NWD2: variants seen among roughly 807,000 people sequenced by gnomAD.
NWD2 encodes NACHT and WD repeat domain-containing protein 2.
Under a neutral mutation model 132.7 loss-of-function variants are expected in NWD2, and 37 were observed. The observed-to-expected ratio is 0.28, with a 90% CI of 0.21 to 0.37. The LOEUF is 0.37. NWD2 is among the 10% of genes least tolerant of loss of function. The pLI, the probability that NWD2 is intolerant of heterozygous loss-of-function variation, is 1.00. For missense variants in NWD2, 1,592 were observed against 2,122.4 expected, an observed-to-expected ratio of 0.75 and a Z score of 4.91; for synonymous variants, 705 against 803.0, an observed-to-expected ratio of 0.88 and a Z score of 2.06.
At chr4:37,294,112 T>A (rs1286508252) in intron 1 of NWD2, among the ~76,000 whole-genome samples, 1 of 152,074 alleles carries the variant, frequency 6.6e-6, no homozygotes, top group African/African-American at 2.4e-5. Context: ...GATGAGGGAA[T>A]ATAATGGGAG....
At chr4:37,276,052 G>A (rs1441082821) in intron 1 of NWD2, among the ~76,000 whole-genome samples, 4 of 152,138 alleles carry the variant, frequency 2.6e-5, no homozygotes, top group Non-Finnish European at 4.4e-5. Context: ...AGGACTTCAT[G>A]TCTAAAACAC....
intron 3 of NWD2, among the ~76,000 whole-genome samples, chr4:37,422,002 G>A (rs1263776340): frequency 6.6e-6 from 1 of 152,056 alleles, no homozygotes; most frequent in Non-Finnish European, 1.5e-5. Flanking sequence ...TCCAATAAGG[G>A]CACCAGTTCT....
intron 3 of NWD2, among the ~76,000 whole-genome samples, chr4:37,392,549 G>C (rs1720698277): frequency 6.6e-6 from 1 of 152,122 alleles, no homozygotes; most frequent in Admixed American, 6.5e-5. Flanking sequence ...GTCTCCTGGG[G>C]AGCAAAATTC....
chr4:37,245,103 T>C lies in NWD2; in HGVS notation c.36T>C (p.Cys12=), dbSNP rs573984737. Reference sequence around the variant, plus strand: ...CCGGCGCGGGCACCAAGCTGCCCTGTCCCCGAGACTCTGCGCTCCGGCGGG... The same window carrying C: ...CCGGCGCGGGCACCAAGCTGCCCTGCCCCCGAGACTCTGCGCTCCGGCGGG... The part of the protein sequence containing the change: ...WPAGAGTKLP[C]PRDSALRRAA... Residue 12 remains cysteine, a synonymous_variant, in exon 1 of 7, where the codon TGT becomes TGC. Transcript: ENST00000309447. 3.8e-4 allele frequency: 583 copies of C among 1,547,222 alleles called. 1 individual carries two copies. In the African/African-American group the frequency reaches 7.1e-3, roughly 19 times the overall value.
intron 1 of NWD2, among the ~76,000 whole-genome samples, chr4:37,257,241 A>C (rs945077957): frequency 2.6e-5 from 4 of 152,222 alleles, no homozygotes; most frequent in African/African-American, 9.6e-5. Flanking sequence ...AAACCTGCCC[A>C]AGGTGCAGGT....
chr4:37,371,521 A>G (rs1286405123), intron 3 of NWD2, among the ~76,000 whole-genome samples: 1 of 152,224 alleles, frequency 6.6e-6, no homozygotes, highest in Non-Finnish European at 1.5e-5. Context: ...AATTTTTAGC[A>G]GTGATATGAA....
At chr4:37,394,248 A>G (rs991662338) in intron 3 of NWD2, among the ~76,000 whole-genome samples, 2 of 152,066 alleles carry the variant, frequency 1.3e-5, no homozygotes, top group Admixed American at 1.3e-4. Flanking sequence ...TCTTTGCCAT[A>G]TTTTCTTTAT....
intron 2 of NWD2, among the ~76,000 whole-genome samples, chr4:37,336,676 C>T (rs1241325710): frequency 3.3e-5 from 5 of 152,168 alleles, no homozygotes; most frequent in African/African-American, 1.2e-4. Flanking sequence ...CGCCATGGCT[C>T]ACGCCTGTAA....
intron 1 of NWD2, 53 bp from the exon 2 acceptor site, chr4:37,325,883 G>C (rs922634194): frequency 4.2e-5 from 46 of 1,100,046 alleles, no homozygotes; most frequent in Non-Finnish European, 5.2e-5. Context: ...TTTTTTGCCA[G>C]AAACATATGT....
rs1466639548 is a variant in NWD2 at position 37,371,066 on chromosome 4, TTTTTTC to T, written c.357+14596_357+14601del. Among the ~76,000 whole-genome samples the T allele has an allele frequency of 4.3e-3, 411 of 94,538 alleles. 6 individuals are homozygous for T. Among genetic ancestry groups the T allele is most frequent in the African/African-American group, 0.013 (365 of 27,662 alleles). 62.0% of individuals were successfully genotyped at this position (94,538 alleles called of 152,430 possible). ...ATTATTTGCCAAAGAAGTTCAATTT[TTTTTTC>T]TTTTTCTTTTTTTTTTTTTTTTTGA... is the stretch of plus-strand genomic sequence containing the variant. On this transcript the variant is annotated intron_variant, in intron 3 of 6. Coordinates refer to ENST00000309447, the MANE Select transcript of NWD2 (RefSeq NM_001144990.2).
At chr4:37,388,431 AC>A (rs1720612460) in intron 3 of NWD2, among the ~76,000 whole-genome samples, 4 of 151,944 alleles carry the variant, frequency 2.6e-5, no homozygotes. Flanking sequence ...TGATCTGCCC[AC>A]CTCAGCATCC....
At chr4:37,250,453 T>A (rs560626817) in intron 1 of NWD2, among the ~76,000 whole-genome samples, 1 of 152,318 alleles carries the variant, frequency 6.6e-6, no homozygotes, top group East Asian at 1.9e-4. Flanking sequence ...GCAAGTTGCT[T>A]AACTTGTTTT....
chr4:37,294,604 C>A (rs1303477999), intron 1 of NWD2, among the ~76,000 whole-genome samples: 1 of 152,158 alleles, frequency 6.6e-6, no homozygotes, highest in Non-Finnish European at 1.5e-5. Context: ...GTAGATATTC[C>A]AGTGAAATGG....
intron 3 of NWD2, among the ~76,000 whole-genome samples, chr4:37,426,145 CACAT>C (rs1712002654): frequency 6.6e-6 from 1 of 152,196 alleles, no homozygotes; most frequent in African/African-American, 2.4e-5. Flanking sequence ...TAACTACACA[CACAT>C]ACACAAACCA....
intron 1 of NWD2, among the ~76,000 whole-genome samples, chr4:37,323,583 C>T (rs972201184): frequency 6.6e-6 from 1 of 152,164 alleles, no homozygotes; most frequent in Non-Finnish European, 1.5e-5. Flanking sequence ...TGCTTATACA[C>T]TGTCGGTGGA....
intron 1 of NWD2, among the ~76,000 whole-genome samples, chr4:37,247,795 C>T (rs1717275479): frequency 6.6e-6 from 1 of 151,842 alleles, no homozygotes; most frequent in Admixed American, 6.6e-5. Flanking sequence ...CTTTTAGTAG[C>T]AACGGGGTTT....
chr4:37,323,939 A>G (rs1719120056), intron 1 of NWD2, among the ~76,000 whole-genome samples: 1 of 152,166 alleles, frequency 6.6e-6, no homozygotes, highest in African/African-American at 2.4e-5. Flanking sequence ...TAATGCAGGA[A>G]CAGAAAACCA....
intron 1 of NWD2, among the ~76,000 whole-genome samples, chr4:37,301,135 G>A (rs1452894135): frequency 6.6e-6 from 1 of 152,028 alleles, no homozygotes; most frequent in East Asian, 1.9e-4. Flanking sequence ...TCAGCATTAT[G>A]AAGATAATCT....
intron 3 of NWD2, among the ~76,000 whole-genome samples, chr4:37,426,742 C>G (rs1001734134): frequency 6.6e-6 from 1 of 152,242 alleles, no homozygotes; most frequent in Middle Eastern, 3.4e-3. Context: ...AATGTTCTTT[C>G]CATCTGAGAA....
Sources: allele counts gnomAD v4.1 joint callset (sites outside exome capture counted in the v4.1 genomes callset), GRCh38; gene constraint gnomAD v4.1.1; transcripts MANE v1.5; gene names NCBI Gene and HGNC (gene_info 2026-07-23, HGNC 2026-07-21).